SLC25A26: variants seen among roughly 807,000 people sequenced by gnomAD.
The protein encoded by SLC25A26 is mitochondrial S-adenosylmethionine carrier protein.
A neutral mutation model predicts 37.8 loss-of-function variants in SLC25A26; 36 were observed. The observed-to-expected ratio is 0.95, with a 90% CI of 0.73 to 1.26. SLC25A26 has a LOEUF of 1.26. Among genes scored for constraint, SLC25A26 ranks in the 50% most tolerant of loss-of-function variants. The pLI is 0.00. For missense variants in SLC25A26, 390 were observed against 331.1 expected (o/e 1.18, Z -1.38); for synonymous variants, 129 against 122.5 (o/e 1.05, Z -0.35).
At chr3:66,192,270 T>A (rs2070958243) in intron 1 of SLC25A26, among the ~76,000 whole-genome samples, 1 of 139,704 alleles carries the variant, frequency 7.2e-6, no homozygotes, top group African/African-American at 2.7e-5. Flanking sequence ...GAGCCGAGAT[T>A]GCACCACTGC....
At chr3:66,159,026 CATGGGGAGG>C (rs1335377779) in intron 1 of SLC25A26, among the ~76,000 whole-genome samples, 1 of 152,120 alleles carries the variant, frequency 6.6e-6, no homozygotes, top group Non-Finnish European at 1.5e-5. Context: ...CCCACAGAAG[CATGGGGAGG>C]ATGTAGAGTC....
At chr3:66,142,029 C>A (rs1310742141) in intron 1 of SLC25A26, among the ~76,000 whole-genome samples, 5 of 152,212 alleles carry the variant, frequency 3.3e-5, no homozygotes, top group Non-Finnish European at 2.9e-5. Flanking sequence ...TCAAAGTGAA[C>A]AAGTCAGTGG....
intron 5 of SLC25A26, among the ~76,000 whole-genome samples, chr3:66,291,863 T>A (rs557134930): frequency 2.0e-5 from 3 of 152,340 alleles, no homozygotes; most frequent in Non-Finnish European, 4.4e-5. Flanking sequence ...CTTGTTAATT[T>A]TCTGTCTTGT....
intron 1 of SLC25A26, among the ~76,000 whole-genome samples, chr3:66,142,848 C>A (rs2070056065): frequency 6.6e-6 from 1 of 152,124 alleles, no homozygotes; most frequent in Non-Finnish European, 1.5e-5. Flanking sequence ...GCTGTAACCC[C>A]AAATTCCTGG....
chr3:66,196,373 T>C (rs912310104), intron 1 of SLC25A26, among the ~76,000 whole-genome samples: 2 of 152,226 alleles, frequency 1.3e-5, no homozygotes, highest in South Asian at 2.1e-4. Context: ...CTGAGATGAA[T>C]AAATTGGGCT....
chr3:66,150,489 C>T (rs2070182486), intron 1 of SLC25A26, among the ~76,000 whole-genome samples: 1 of 121,396 alleles, frequency 8.2e-6, no homozygotes, highest in Non-Finnish European at 1.7e-5. Context: ...CAGAGCAAGA[C>T]TCTATCTCAA....
At chr3:66,351,099 T>C (rs2076443158) in intron 6 of SLC25A26, among the ~76,000 whole-genome samples, 1 of 152,138 alleles carries the variant, frequency 6.6e-6, no homozygotes. Context: ...GAGCTGGATA[T>C]GGTTGCATGT....
chr3:66,336,186 T>A (rs1425126147), intron 5 of SLC25A26, among the ~76,000 whole-genome samples: 3 of 152,162 alleles, frequency 2.0e-5, no homozygotes, highest in Non-Finnish European at 4.4e-5. Context: ...ACCAGAAAAA[T>A]TGCTCAGAAA....
intron 1 of SLC25A26, among the ~76,000 whole-genome samples, chr3:66,191,131 G>C (rs2070934431): frequency 6.6e-6 from 1 of 152,140 alleles, no homozygotes; most frequent in South Asian, 2.1e-4. Flanking sequence ...TCATTGCAAA[G>C]GCACAGCCCT....
rs138717106 is a variant in SLC25A26, at chr3:66,175,897, A to G, written c.-354+41913A>G. ...TCATCTGAGAATACTGTTTGACCAA[A>G]TATCTGGGCATCCATGGCCCTGCCA... On this transcript the variant is annotated intron_variant, in intron 1 of 10. Coordinates refer to the SLC25A26 transcript ENST00000676754. Among the ~76,000 whole-genome samples the G allele has an allele frequency of 8.4e-3, 1,282 of 152,320 alleles. 13 individuals carry two copies. Among genetic ancestry groups the G allele is most frequent in the African/African-American group, 0.029 (1,206 of 41,570 alleles).
At chr3:66,245,859 A>G (rs896065618) in intron 3 of SLC25A26, among the ~76,000 whole-genome samples, 5 of 152,158 alleles carry the variant, frequency 3.3e-5, no homozygotes, top group African/African-American at 9.7e-5. Flanking sequence ...AAAGTGTACA[A>G]TTCAGTGGTT....
At chr3:66,284,939 C>A (rs546421349) in intron 5 of SLC25A26, among the ~76,000 whole-genome samples, 20 of 152,214 alleles carry the variant, frequency 1.3e-4, no homozygotes, top group African/African-American at 3.6e-4. Context: ...AGTTAAAAAT[C>A]AGATTAAAGC....
At chr3:66,183,373 TG>T (rs1239491337) in intron 1 of SLC25A26, among the ~76,000 whole-genome samples, 1 of 151,972 alleles carries the variant, frequency 6.6e-6, no homozygotes, top group Non-Finnish European at 1.5e-5. Flanking sequence ...ACAATGAACT[TG>T]TCTATAGGCA....
At chr3:66,322,845 T>C (rs2075732987) in intron 5 of SLC25A26, among the ~76,000 whole-genome samples, 1 of 152,234 alleles carries the variant, frequency 6.6e-6, no homozygotes, top group South Asian at 2.1e-4. Flanking sequence ...ATCATTGATA[T>C]AAAGAATTTT....
chr3:66,362,969 G>A lies in SLC25A26; in HGVS notation c.568+40G>A, dbSNP rs1459516823. 5.2e-6 allele frequency: 7 copies of A among 1,357,120 alleles called. No individual in the cohort carries two copies. In the South Asian group the frequency reaches 8.1e-5, roughly 16 times the overall value. 84.1% of individuals were successfully genotyped at this position (1,357,120 alleles called of 1,614,324 possible). On this transcript the variant is annotated intron_variant, in intron 7 of 9. Coordinates refer to ENST00000354883, the MANE Select transcript of SLC25A26 (RefSeq NM_001379210.1). ...ATTATACTGGGAAAGACCAAAGAGG[G>A]GGAAAAATGTGAAAATATTAACTAT...
At chr3:66,295,410 T>C (rs1376634130) in intron 5 of SLC25A26, among the ~76,000 whole-genome samples, 1 of 149,738 alleles carries the variant, frequency 6.7e-6, no homozygotes, top group Non-Finnish European at 1.5e-5. Flanking sequence ...TTTTTGTTTT[T>C]TTTTTTTTTT....
At chr3:66,362,321 G>A (rs939527199) in intron 6 of SLC25A26, among the ~76,000 whole-genome samples, 11 of 152,000 alleles carry the variant, frequency 7.2e-5, no homozygotes, top group African/African-American at 2.7e-4. Flanking sequence ...CGTAAATCAC[G>A]GTATATCCAT....
chr3:66,144,940 C>T (rs755027665), intron 1 of SLC25A26, among the ~76,000 whole-genome samples: 2 of 152,164 alleles, frequency 1.3e-5, no homozygotes, highest in Non-Finnish European at 2.9e-5. Flanking sequence ...GTTCTCTTTG[C>T]AACTGAGGAA....
chr3:66,362,681 A>G (rs2076738315), intron 6 of SLC25A26, among the ~76,000 whole-genome samples, 179 bp from the exon 7 acceptor site: 1 of 152,192 alleles, frequency 6.6e-6, no homozygotes, highest in South Asian at 2.1e-4. Flanking sequence ...TGTCACTCTC[A>G]TTTCTGTGAC....
Sources: allele counts gnomAD v4.1 joint callset (sites outside exome capture counted in the v4.1 genomes callset), GRCh38; gene constraint gnomAD v4.1.1; transcripts MANE v1.5; gene names NCBI Gene and HGNC (gene_info 2026-07-23, HGNC 2026-07-21).